Variants in TECRL observed in about 807,000 individuals in gnomAD.
TECRL encodes trans-2,3-enoyl-CoA reductase like, also known as trans-2,3-enoyl-CoA reductase-like.
TECRL carries 63 observed loss-of-function variants against 52.8 expected under a neutral mutation model. That is an observed-to-expected ratio of 1.19 (90% CI 0.97 to 1.47). The LOEUF is 1.47. Among genes scored for constraint, TECRL ranks in the 40% most tolerant of loss-of-function variants. The probability of loss-of-function intolerance (pLI) is 0.00; values close to 1 mark genes in which losing one functional copy is unlikely to be tolerated. For synonymous variants in TECRL, 164 were observed against 141.9 expected (o/e 1.16, Z -1.10); for missense variants, 482 against 429.6 (o/e 1.12, Z -1.08).
At chr4:64,359,052 G>A (rs1190817438) in intron 2 of TECRL, among the ~76,000 whole-genome samples, 1 of 151,670 alleles carries the variant, frequency 6.6e-6, no homozygotes, top group African/African-American at 2.4e-5. Flanking sequence ...TGTTTATATG[G>A]AATTCCATTG....
intron 1 of TECRL, among the ~76,000 whole-genome samples, chr4:64,391,122 A>T (rs1723518602): frequency 6.6e-6 from 1 of 151,878 alleles, no homozygotes; most frequent in Non-Finnish European, 1.5e-5. Flanking sequence ...GTATAAACAA[A>T]TTCAGAGTAT....
At chr4:64,281,402 G>A (rs1047460098) in intron 10 of TECRL, 72 bp downstream of exon 10, 14 of 884,508 alleles carry the variant, frequency 1.6e-5, no homozygotes, top group Non-Finnish European at 2.1e-5. Context: ...TATAATACAT[G>A]TAAATACATA....
rs761043327 is a variant in TECRL at position 64,409,338 on chromosome 4, T to C, written c.14A>G (p.His5Arg). MFKR[H>R]KSLASERKRA... is the part of the protein sequence containing the mutation. ...CTTGCGTTCCGAAGCGAGGGACTTG[T>C]GCCTTTTGAACATTGTGTGAACTAA... Residue 5 changes from histidine (H) to arginine (R), a missense_variant, in exon 1 of 12, where the codon CAC becomes CGC. Transcript: ENST00000381210. 13 of 1,613,454 alleles carry C rather than the reference T, an allele frequency of 8.1e-6. No homozygotes were observed. In the Admixed American group the frequency reaches 2.0e-4, roughly 25 times the overall value.
chr4:64,337,573 G>A (rs1719198554), intron 2 of TECRL, among the ~76,000 whole-genome samples: 1 of 152,128 alleles, frequency 6.6e-6, no homozygotes, highest in Non-Finnish European at 1.5e-5. Flanking sequence ...AGCAACTTCA[G>A]CAAAGTCTCA....
chr4:64,288,376 C>G (rs1168381234), intron 9 of TECRL, among the ~76,000 whole-genome samples: 1 of 152,062 alleles, frequency 6.6e-6, no homozygotes, highest in Non-Finnish European at 1.5e-5. Flanking sequence ...TTAACAACTA[C>G]AGGAGAAGTT....
At chr4:64,294,280 C>A (rs1247239239) in intron 8 of TECRL, among the ~76,000 whole-genome samples, 1 of 152,148 alleles carries the variant, frequency 6.6e-6, no homozygotes, top group South Asian at 2.1e-4. Flanking sequence ...AGCCACAGCG[C>A]CCAGCCGGCA....
chr4:64,349,140 T>G (rs945034402), intron 2 of TECRL, among the ~76,000 whole-genome samples: 8 of 149,260 alleles, frequency 5.4e-5, no homozygotes, highest in Admixed American at 2.7e-4. Context: ...AAAACGTTTT[T>G]TTTTTTTTTC....
At chr4:64,293,709 A>C (rs1167632461) in intron 8 of TECRL, among the ~76,000 whole-genome samples, 2 of 152,110 alleles carry the variant, frequency 1.3e-5, no homozygotes, top group East Asian at 3.9e-4. Context: ...TCTTCCTTAA[A>C]GAAATGAAAA....
At chr4:64,377,983 A>T (rs1022487502) in intron 1 of TECRL, among the ~76,000 whole-genome samples, 4 of 152,076 alleles carry the variant, frequency 2.6e-5, no homozygotes, top group Non-Finnish European at 5.9e-5. Context: ...AGGTTTTTGT[A>T]GTATAAAAAC....
In TECRL at chr4:64,279,626, T is replaced by G; in HGVS notation, c.*446A>C. ...TTAATTAGGATGAGATGATATCTCATTGTGGTTTTGATTTGCATTTCTGTA... is the reference window on the plus strand; with the variant it reads ...TTAATTAGGATGAGATGATATCTCAGTGTGGTTTTGATTTGCATTTCTGTA... On this transcript the variant is annotated 3_prime_UTR_variant, in exon 12 of 12. Coordinates refer to ENST00000381210, the MANE Select transcript of TECRL (RefSeq NM_001010874.5). The G allele has an allele frequency of 7.6e-6, 2 of 262,528 alleles. No individual in the cohort carries two copies. The highest frequency in any genetic ancestry group is 1.2e-5 in the Non-Finnish European group (2 of 169,128). The allele number at this position is 262,528 out of a possible 1,614,324, so 16.3% of individuals were successfully genotyped here.
Position 64,281,482 on chromosome 4 carries a change from T to C in TECRL, c.910A>G (p.Thr304Ala), listed in dbSNP as rs1359068068. ...MFFLVSCPNY[T>A]YEIGSWISFT... ...ATACATAAATAACATACCTCATAGG[T>C]GTAGTTAGGACATGAAACCAGGAAA... The change falls in exon 10 of 12, where the codon ACC (threonine) becomes GCC (alanine). Residue 304 changes from threonine to alanine, a missense_variant. Thr to Ala is a moderately conservative substitution (Grantham distance 58, BLOSUM62 0). Coordinates refer to ENST00000381210, the MANE Select transcript of TECRL (RefSeq NM_001010874.5). 6 of 1,588,528 alleles carry C rather than the reference T, an allele frequency of 3.8e-6. No homozygotes were observed. The highest frequency in any genetic ancestry group is 2.2e-5 in the East Asian group (1 of 44,466).
chr4:64,308,399 C>T (rs975545036), intron 6 of TECRL, among the ~76,000 whole-genome samples: 6 of 152,174 alleles, frequency 3.9e-5, no homozygotes, highest in African/African-American at 4.8e-5. Context: ...CACAGGCTTT[C>T]GTTAGGCACT....
At chr4:64,406,152 G>GCC (rs1300759734) in intron 1 of TECRL, among the ~76,000 whole-genome samples, 1 of 97,144 alleles carries the variant, frequency 1.0e-5, no homozygotes, top group Non-Finnish European at 2.4e-5. Flanking sequence ...TGTTAGGCGC[G>GCC]CGCGCGCGCG....
At chr4:64,348,844 T>C (rs1273362600) in intron 2 of TECRL, among the ~76,000 whole-genome samples, 1 of 152,154 alleles carries the variant, frequency 6.6e-6, no homozygotes, top group Non-Finnish European at 1.5e-5. Flanking sequence ...AAAGTGATGT[T>C]GTAGTCAGGG....
chr4:64,324,893 T>A (rs1187447881), intron 3 of TECRL, among the ~76,000 whole-genome samples: 1 of 152,194 alleles, frequency 6.6e-6, no homozygotes, highest in Non-Finnish European at 1.5e-5. Flanking sequence ...TCAGGATTTC[T>A]GCTACCTGTA....
downstream of TECRL, chr4:64,276,408 G>A (rs1027338256): frequency 5.9e-5 from 9 of 151,862 alleles, no homozygotes; most frequent in African/African-American, 2.2e-4. Flanking sequence ...ATAAGTAACT[G>A]TGGTAGTAAT....
chr4:64,342,429 A>ATGTG (rs1719646045), intron 2 of TECRL, among the ~76,000 whole-genome samples: 1 of 44,712 alleles, frequency 2.2e-5, no homozygotes, highest in African/African-American at 6.0e-5. Context: ...TTTTATATAT[A>ATGTG]TATATGTGTG....
intron 6 of TECRL, among the ~76,000 whole-genome samples, chr4:64,309,534 T>C (rs1211002097): frequency 6.6e-6 from 1 of 152,142 alleles, no homozygotes; most frequent in Non-Finnish European, 1.5e-5. Flanking sequence ...GCTCTTCAAG[T>C]GGCACTCAAA....
chr4:64,385,923 T>C (rs1380784649), intron 1 of TECRL, among the ~76,000 whole-genome samples: 1 of 152,208 alleles, frequency 6.6e-6, no homozygotes, highest in African/African-American at 2.4e-5. Context: ...CTTCTTGCTT[T>C]ACTTTCTTCA....
Sources: allele counts gnomAD v4.1 joint callset (sites outside exome capture counted in the v4.1 genomes callset), GRCh38; gene constraint gnomAD v4.1.1; transcripts MANE v1.5; gene names NCBI Gene and HGNC (gene_info 2026-07-23, HGNC 2026-07-21).